Variants in SEC24A observed in about 807,000 individuals in gnomAD.
SEC24A encodes the protein protein transport protein Sec24A.
SEC24A carries 93 observed loss-of-function variants against 129.4 expected under a neutral mutation model. The observed-to-expected ratio is 0.72, with a 90% confidence interval of 0.61 to 0.85. The LOEUF is 0.85. Ranked by LOEUF, SEC24A falls within the 40% of genes least tolerant of loss-of-function variation. The pLI, the probability that SEC24A is intolerant of heterozygous loss-of-function variation, is 0.00. For synonymous variants in SEC24A, 460 were observed against 467.3 expected, an observed-to-expected ratio of 0.98 and a Z score of 0.20; for missense variants, 1,264 against 1,307.4, an observed-to-expected ratio of 0.97 and a Z score of 0.51.
intron 11 of SEC24A, among the ~76,000 whole-genome samples, chr5:134,689,977 G>T (rs1450865943): frequency 2.0e-5 from 3 of 152,026 alleles, no homozygotes; most frequent in Non-Finnish European, 2.9e-5. Flanking sequence ...GAGGTTACCA[G>T]GGGCTGGGGG....
At position 134,660,343 on chromosome 5, in the gene SEC24A, A is replaced by T. The variant is rs144845325; in HGVS notation, c.98-776A>T. Among the ~76,000 whole-genome samples, 86 of 152,152 alleles carry T rather than the reference A, an allele frequency of 5.7e-4. No homozygotes were observed. The East Asian group carries it at 0.017, about 29-fold the overall frequency. Reference sequence around the variant, plus strand: ...ATTGTGCCACTGTACTCCAGCTTGGATGACAGAGTAAAGTGCTGTCTCAAT... The same window carrying T: ...ATTGTGCCACTGTACTCCAGCTTGGTTGACAGAGTAAAGTGCTGTCTCAAT... On this transcript the variant is annotated intron_variant, in intron 1 of 22. Coordinates refer to ENST00000398844, the MANE Select transcript of SEC24A (RefSeq NM_021982.3).
rs748673398 is a variant in SEC24A at position 134,725,122 on chromosome 5, A to AAGGAATGT, written c.*29_*36dup. 295 of 1,157,468 alleles carry AAGGAATGT rather than the reference A, an allele frequency of 2.5e-4. No homozygotes were observed. The highest frequency in any genetic ancestry group is 3.4e-4 in the Non-Finnish European group (264 of 771,190). 71.7% of individuals were successfully genotyped at this position (1,157,468 alleles called of 1,614,324 possible). ...GAATGAAGAAATTTGACTTATTTTT[A>AAGGAATGT]AGGAATGTCACGATAGTGCAGAATA... On this transcript the variant is annotated 3_prime_UTR_variant, in exon 23 of 23. Coordinates refer to ENST00000398844, the MANE Select transcript of SEC24A (RefSeq NM_021982.3).
intron 1 of SEC24A, among the ~76,000 whole-genome samples, chr5:134,658,513 C>G (rs1349097454): frequency 6.6e-6 from 1 of 152,146 alleles, no homozygotes; most frequent in Non-Finnish European, 1.5e-5. Flanking sequence ...GTCCTCTTGC[C>G]TCAGCCTCCT....
At chr5:134,682,771 T>C (rs1402143931) in intron 9 of SEC24A, among the ~76,000 whole-genome samples, 2 of 152,028 alleles carry the variant, frequency 1.3e-5, no homozygotes, top group African/African-American at 4.8e-5. Context: ...TTTGCTATGT[T>C]GCCCAGGCTG....
At chr5:134,723,335 C>T (rs887863673) in intron 21 of SEC24A, among the ~76,000 whole-genome samples, 6 of 152,066 alleles carry the variant, frequency 3.9e-5, no homozygotes, top group African/African-American at 9.6e-5. Context: ...CATGGTGGCA[C>T]GCATCTGTAG....
intron 16 of SEC24A, among the ~76,000 whole-genome samples, chr5:134,705,090 A>ATATATATTTTTT (rs1180461537): frequency 8.1e-6 from 1 of 123,306 alleles, no homozygotes; most frequent in African/African-American, 3.0e-5. Flanking sequence ...ATATATATAT[A>ATATATATTTTTT]TTTTTTTTTT....
At chr5:134,694,907 C>CT (rs1201745696) in intron 13 of SEC24A, among the ~76,000 whole-genome samples, 1 of 151,530 alleles carries the variant, frequency 6.6e-6, no homozygotes, top group Non-Finnish European at 1.5e-5. Context: ...TGTGCATAAA[C>CT]TTTAAGGTTT....
Position 134,704,678 on chromosome 5 carries a change from T to C in SEC24A, c.2441-649T>C, listed in dbSNP as rs534010695. 5.9e-5 allele frequency among the ~76,000 whole-genome samples: 9 copies of C among 151,914 alleles called. No homozygotes were observed. The East Asian group carries it at 1.6e-3, about 26-fold the overall frequency. On this transcript the variant is annotated intron_variant, in intron 16 of 22. Transcript: ENST00000398844. ...ATTAGCCAGGTATAGTGGCACACAC[T>C]GGTAGTCCTACCTACTTGGGAGGCT...
chr5:134,703,788 T>TTA lies in SEC24A; in HGVS notation c.2297_2298insAT (p.Phe766LeufsTer63). On this transcript the variant is annotated frameshift_variant, in exon 16 of 23. Transcript: ENST00000398844. LOFTEE classifies it high-confidence loss of function. Reference sequence around the variant, plus strand: ...TTCCATTCATACTTTCCATGGAAACTTCTTTGTTAGGTCAACCGACTTACT... The same window carrying TTA: ...TTCCATTCATACTTTCCATGGAAACTTATCTTTGTTAGGTCAACCGACTTACT... The TTA allele has an allele frequency of 6.2e-7, 1 of 1,613,390 alleles. No individual in the cohort carries two copies. The highest frequency in any genetic ancestry group is 8.5e-7 in the Non-Finnish European group (1 of 1,179,402).
At chr5:134,653,708 T>C (rs1750142673) in intron 1 of SEC24A, among the ~76,000 whole-genome samples, 1 of 151,846 alleles carries the variant, frequency 6.6e-6, no homozygotes, top group Non-Finnish European at 1.5e-5. Context: ...CTACAAAGAA[T>C]TTTTAAAAAA....
intron 1 of SEC24A, among the ~76,000 whole-genome samples, chr5:134,655,593 G>A (rs1267945736): frequency 2.6e-5 from 4 of 152,052 alleles, no homozygotes; most frequent in Non-Finnish European, 4.4e-5. Flanking sequence ...ACTTGAACCC[G>A]AGAGGTGGAG....
chr5:134,655,558 C>T (rs542972950), intron 1 of SEC24A, among the ~76,000 whole-genome samples: 3 of 138,108 alleles, frequency 2.2e-5, no homozygotes, highest in Admixed American at 2.2e-4. Flanking sequence ...CCTCAGCCTC[C>T]TGAGTGATTC....
chr5:134,672,809 C>T (rs1750913888), intron 4 of SEC24A, among the ~76,000 whole-genome samples: 1 of 151,680 alleles, frequency 6.6e-6, no homozygotes, highest in Admixed American at 6.6e-5. Flanking sequence ...TGTTATAGCT[C>T]ACTGTAGCCT....
In SEC24A at chr5:134,725,849, G is replaced by A. The variant is rs1047289850; in HGVS notation, c.*755G>A. 6.6e-6 allele frequency: 1 copy of A among 152,398 alleles called. No individual in the cohort carries two copies. Among genetic ancestry groups the A allele is most frequent in the African/African-American group, 2.4e-5 (1 of 41,416 alleles). 9.4% of individuals were successfully genotyped at this position (152,398 alleles called of 1,614,324 possible). A position where few individuals can be genotyped will look rare whatever the true frequency, so the allele number is the denominator to read the frequency against. On this transcript the variant is annotated 3_prime_UTR_variant, in exon 23 of 23. Transcript: ENST00000398844. The stretch of plus-strand genomic sequence containing the variant: ...AATTTGAGCTGTCTTCATAAACACT[G>A]GGACTAGCAATGATAATAGGGAGAT...
At chr5:134,655,087 C>T (rs1360264351) in intron 1 of SEC24A, among the ~76,000 whole-genome samples, 10 of 152,020 alleles carry the variant, frequency 6.6e-5, no homozygotes, top group East Asian at 1.9e-4. Flanking sequence ...GTGATCTGCC[C>T]GCCTGAGCCA....
chr5:134,662,405 T>C (rs897173012), intron 2 of SEC24A, among the ~76,000 whole-genome samples: 8 of 152,140 alleles, frequency 5.3e-5, no homozygotes, highest in Admixed American at 3.3e-4. Flanking sequence ...CCGCCCGCCT[T>C]GACCTCCCAA....
intron 1 of SEC24A, among the ~76,000 whole-genome samples, chr5:134,659,135 G>T (rs1031386886): frequency 4.0e-4 from 60 of 151,326 alleles, no homozygotes; most frequent in African/African-American, 1.4e-3. Flanking sequence ...GCAGTGGCGC[G>T]ATGTTGGCTC....
intron 9 of SEC24A, among the ~76,000 whole-genome samples, chr5:134,684,510 C>G (rs569227878): frequency 2.4e-4 from 37 of 151,774 alleles, no homozygotes; most frequent in Non-Finnish European, 2.4e-4. Context: ...GTCAGGAGTT[C>G]GACACCAGCC....
rs539851162 is a variant in SEC24A at position 134,681,342 on chromosome 5, G to C, written c.1382-1031G>C. Among the ~76,000 whole-genome samples the C allele has an allele frequency of 7.7e-4, 117 of 152,164 alleles. 1 individual carries two copies. The highest frequency in any genetic ancestry group is 2.7e-3 in the African/African-American group (111 of 41,534). On this transcript the variant is annotated intron_variant, in intron 8 of 22. Transcript: ENST00000398844. Reference sequence around the variant, plus strand: ...TTGAACCCGGGAGGCGGAGGTTGCAGTGAACCGAGATTGCACCATTGCACT... The same window carrying C: ...TTGAACCCGGGAGGCGGAGGTTGCACTGAACCGAGATTGCACCATTGCACT...
Sources: allele counts gnomAD v4.1 joint callset (sites outside exome capture counted in the v4.1 genomes callset), GRCh38; gene constraint gnomAD v4.1.1; transcripts MANE v1.5; gene names NCBI Gene and HGNC (gene_info 2026-07-23, HGNC 2026-07-21).